NTRK2: variants seen among roughly 807,000 people sequenced by gnomAD.
NTRK2 encodes the protein BDNF/NT-3 growth factors receptor.
A neutral mutation model predicts 94.5 loss-of-function variants in NTRK2; 13 were observed. That is an observed-to-expected ratio of 0.14 (90% confidence interval 0.09 to 0.22). NTRK2 has a LOEUF of 0.22. NTRK2 is among the 10% of genes least tolerant of loss of function. The pLI is 1.00. For missense variants in NTRK2, 639 were observed against 1,071.2 expected, an observed-to-expected ratio of 0.60 and a Z score of 5.63; for synonymous variants, 372 against 407.4, an observed-to-expected ratio of 0.91 and a Z score of 1.05.
intron 17 of NTRK2, among the ~76,000 whole-genome samples, chr9:84,986,702 A>G (rs921580280): frequency 6.6e-6 from 1 of 152,166 alleles, no homozygotes; most frequent in African/African-American, 2.4e-5. Context: ...TTTCCTTTAG[A>G]TATAGTGAAC....
intron 14 of NTRK2, among the ~76,000 whole-genome samples, chr9:84,893,522 G>A (rs1359006845): frequency 6.6e-6 from 1 of 152,126 alleles, no homozygotes; most frequent in Non-Finnish European, 1.5e-5. Context: ...CTTCTCATTG[G>A]CAGTGTAGAT....
intron 12 of NTRK2, among the ~76,000 whole-genome samples, chr9:84,855,896 A>G (rs1271622742): frequency 6.6e-6 from 1 of 152,130 alleles, no homozygotes; most frequent in African/African-American, 2.4e-5. Flanking sequence ...TACACAGAGG[A>G]AGTCTTAATA....
intron 14 of NTRK2, among the ~76,000 whole-genome samples, chr9:84,917,189 A>G (rs1232214418): frequency 6.6e-6 from 1 of 152,198 alleles, no homozygotes; most frequent in African/African-American, 2.4e-5. Flanking sequence ...GAGACAAACC[A>G]TTTTTGTACA....
intron 17 of NTRK2, among the ~76,000 whole-genome samples, chr9:84,976,473 G>T (rs1431547620): frequency 6.6e-6 from 1 of 152,164 alleles, no homozygotes; most frequent in Non-Finnish European, 1.5e-5. Context: ...TTAGTTCACA[G>T]CACCAAGTAA....
At chr9:84,733,023 T>C (rs2062998376) in intron 9 of NTRK2, among the ~76,000 whole-genome samples, 1 of 152,130 alleles carries the variant, frequency 6.6e-6, no homozygotes, top group Non-Finnish European at 1.5e-5. Context: ...ACTCATAGTC[T>C]CTTGTCCCCT....
At chr9:84,939,914 G>C in intron 15 of NTRK2, among the ~76,000 whole-genome samples, 1 of 152,062 alleles carries the variant, frequency 6.6e-6, no homozygotes, top group Non-Finnish European at 1.5e-5. Context: ...TTTTGCTAAA[G>C]ACTTGACAGC....
chr9:84,787,781 A>G (rs2068271102), intron 12 of NTRK2, among the ~76,000 whole-genome samples: 1 of 152,242 alleles, frequency 6.6e-6, no homozygotes, highest in Admixed American at 6.5e-5. Flanking sequence ...TGAGGATTAA[A>G]TAAGGGACTA....
intron 12 of NTRK2, among the ~76,000 whole-genome samples, chr9:84,763,304 G>C (rs767318120): frequency 1.3e-5 from 2 of 151,950 alleles, no homozygotes; most frequent in African/African-American, 2.4e-5. Flanking sequence ...TACTTGACCT[G>C]GGGACAGGTT....
chr9:84,717,412 T>A (rs2061769909), intron 6 of NTRK2, among the ~76,000 whole-genome samples: 1 of 152,202 alleles, frequency 6.6e-6, no homozygotes, highest in African/African-American at 2.4e-5. Flanking sequence ...AATGAGTGAT[T>A]GAAGCACCTA....
chr9:84,880,415 C>T (rs2076219569), intron 14 of NTRK2, among the ~76,000 whole-genome samples: 1 of 152,178 alleles, frequency 6.6e-6, no homozygotes, highest in Non-Finnish European at 1.5e-5. Flanking sequence ...AGCCTTGATG[C>T]GAATCTTATG....
At chr9:84,904,274 C>T (rs1415810946) in intron 14 of NTRK2, among the ~76,000 whole-genome samples, 1 of 152,216 alleles carries the variant, frequency 6.6e-6, no homozygotes, top group Non-Finnish European at 1.5e-5. Flanking sequence ...AGCTGTATAA[C>T]TCCAGCCAAC....
At chr9:84,871,926 G>A in intron 14 of NTRK2, 1 of 1,608,666 alleles carries the variant, frequency 6.2e-7, no homozygotes, top group Non-Finnish European at 8.5e-7. Flanking sequence ...ATTCTGGCCA[G>A]ACAACATCTT....
intron 14 of NTRK2, among the ~76,000 whole-genome samples, chr9:84,914,813 A>G (rs2077346263): frequency 6.6e-6 from 1 of 152,216 alleles, no homozygotes; most frequent in African/African-American, 2.4e-5. Context: ...AAGAAAATCC[A>G]GGGAATTCAC....
chr9:84,926,157 C>CTTGCTTT (rs2077779775), intron 14 of NTRK2, among the ~76,000 whole-genome samples: 1 of 80,326 alleles, frequency 1.2e-5, no homozygotes, highest in African/African-American at 4.6e-5. Context: ...TTCCTTCCTT[C>CTTGCTTT]CTTCCTTCCT....
intron 14 of NTRK2, chr9:84,872,217 G>T: frequency 5.3e-6 from 6 of 1,142,532 alleles, no homozygotes; most frequent in Non-Finnish European, 5.4e-6. Flanking sequence ...CAGCTCAAGG[G>T]CAGCTGTGTT....
chr9:84,999,966 G>A (rs992298682), intron 17 of NTRK2, among the ~76,000 whole-genome samples: 3 of 152,210 alleles, frequency 2.0e-5, no homozygotes, highest in Admixed American at 6.5e-5. Flanking sequence ...AGAGGACAGG[G>A]CTGGCTACCT....
intron 9 of NTRK2, among the ~76,000 whole-genome samples, chr9:84,731,792 G>C (rs1013529003): frequency 6.6e-6 from 1 of 152,236 alleles, no homozygotes; most frequent in South Asian, 2.1e-4. Flanking sequence ...CATTAAAAGA[G>C]AGCGGCCCAG....
intron 12 of NTRK2, among the ~76,000 whole-genome samples, chr9:84,834,802 G>GTT (rs2073775732): frequency 1.3e-5 from 2 of 152,146 alleles, no homozygotes; most frequent in African/African-American, 4.8e-5. Flanking sequence ...ATATAGCTTA[G>GTT]CAGGGCTGCC....
intron 12 of NTRK2, among the ~76,000 whole-genome samples, chr9:84,769,094 A>G (rs2066296080): frequency 6.6e-6 from 1 of 152,178 alleles, no homozygotes; most frequent in Non-Finnish European, 1.5e-5. Context: ...AGGTTGGTCA[A>G]GGAGAGGATC....
Sources: gnomAD v4.1 joint callset for allele counts (sites outside exome capture counted in the v4.1 genomes callset) on GRCh38, gnomAD v4.1.1 for gene constraint, MANE v1.5 for transcripts, NCBI Gene and HGNC (gene_info 2026-07-23, HGNC 2026-07-21) for gene names.